The following PACS1 variants were observed in gnomAD, a reference collection of about 807,000 sequenced individuals.
The protein encoded by PACS1 is PACS-1.
A neutral mutation model predicts 115.0 loss-of-function variants in PACS1; 24 were observed. That is an observed-to-expected ratio of 0.21 (90% CI 0.15 to 0.29). The LOEUF is 0.29. Among genes scored for constraint, PACS1 ranks in the 10% least tolerant of loss-of-function variants. PACS1 has a pLI of 1.00. For missense variants in PACS1, 838 were observed against 1,251.2 expected (o/e 0.67, Z 4.98); for synonymous variants, 453 against 504.5 (o/e 0.90, Z 1.37).
chr11:66,136,148 G>C (rs1237261994), intron 1 of PACS1, among the ~76,000 whole-genome samples: 1 of 152,114 alleles, frequency 6.6e-6, no homozygotes, highest in African/African-American at 2.4e-5. Flanking sequence ...ATGCTGCTGA[G>C]ACCTCACACT....
At chr11:66,180,448 T>A (rs1239247181) in intron 1 of PACS1, among the ~76,000 whole-genome samples, 1 of 151,754 alleles carries the variant, frequency 6.6e-6, no homozygotes, top group Non-Finnish European at 1.5e-5. Flanking sequence ...TCCCACTCCC[T>A]GATTCAAGCA....
intron 1 of PACS1, among the ~76,000 whole-genome samples, chr11:66,115,643 G>T (rs1033649220): frequency 6.6e-6 from 1 of 152,236 alleles, no homozygotes; most frequent in Admixed American, 6.5e-5. Flanking sequence ...CTGCAGAGCA[G>T]GCTGACATTT....
At position 66,070,882 on chromosome 11, in the gene PACS1, G is replaced by T. The variant is rs998904477; in HGVS notation, c.356+40G>T. On this transcript the variant is annotated intron_variant, in intron 1 of 23. Coordinates refer to ENST00000320580, the MANE Select transcript of PACS1 (RefSeq NM_018026.4). This position sits in a 1 kb window ranked among gnomAD's most constrained non-coding sequence, Gnocchi z 5.9. Reference sequence around the variant, plus strand: ...GTGCGGCGGGGCGCCGGGGGAGCGGGGTGGCCGCCGGGGCCCAGCCCTCCC... The same window carrying T: ...GTGCGGCGGGGCGCCGGGGGAGCGGTGTGGCCGCCGGGGCCCAGCCCTCCC... The T allele has an allele frequency of 2.9e-6, 4 of 1,400,594 alleles. No individual in the cohort carries two copies. The highest frequency in any genetic ancestry group is 2.6e-4 in the Middle Eastern group (1 of 3,882). 86.8% of individuals were successfully genotyped at this position (1,400,594 alleles called of 1,614,324 possible). A position where few individuals can be genotyped will look rare whatever the true frequency, so the allele number is the denominator to read the frequency against.
intron 2 of PACS1, among the ~76,000 whole-genome samples, chr11:66,198,172 C>G (rs1468064841): frequency 1.3e-5 from 2 of 152,234 alleles, no homozygotes; most frequent in Non-Finnish European, 2.9e-5. Flanking sequence ...GCCTTGACCT[C>G]CCAGTGCTGG....
At position 66,216,757 on chromosome 11, in the gene PACS1, A is replaced by G; in HGVS notation, c.960A>G (p.Ser320=). 1.9e-6 allele frequency: 3 copies of G among 1,613,188 alleles called. No homozygotes were observed. The highest frequency in any genetic ancestry group is 2.5e-6 in the Non-Finnish European group (3 of 1,179,224). The change falls in exon 7 of 24, where the codon TCA becomes TCG. Residue 320 remains serine, a synonymous_variant. Coordinates refer to ENST00000320580, the MANE Select transcript of PACS1 (RefSeq NM_018026.4). ...AGAAGACCCGGAGGAAACTAACCTC[A>G]ACCTCTGCCATCACAAGGGTGAGCC... ...KVKKTRRKLT[S]TSAITRQPNI...
chr11:66,210,377 C>A lies in PACS1; in HGVS notation c.460C>A (p.Leu154Ile), dbSNP rs2134698831. 8 of 1,613,948 alleles carry A rather than the reference C, an allele frequency of 5.0e-6. No homozygotes were observed. The highest frequency in any genetic ancestry group is 1.1e-5 in the South Asian group (1 of 91,074). ...AVKLQGSKRI[L>I]RSNEIVLPAS... ...TTGGTTTCAGGGTTCAAAAAGAATT[C>A]TTCGCTCCAACGAGATCGTCCTTCC... Residue 154 changes from leucine (L) to isoleucine (I), a missense_variant, in exon 3 of 24, where the codon CTT becomes ATT. This residue lies in a region of PACS1 where 223 missense variants were observed against 354.0 expected (regional missense o/e 0.63). Coordinates refer to ENST00000320580, the MANE Select transcript of PACS1 (RefSeq NM_018026.4).
intron 2 of PACS1, among the ~76,000 whole-genome samples, chr11:66,194,940 TTGGGCC>T (rs11280308): frequency 0.01 from 1,586 of 152,254 alleles, 30 homozygotes; most frequent in African/African-American, 0.035. Flanking sequence ...ACTTAAAATG[TTGGGCC>T]GGGCACTGTG....
intron 1 of PACS1, among the ~76,000 whole-genome samples, chr11:66,113,557 A>G (rs1191123829): frequency 1.3e-5 from 2 of 152,254 alleles, no homozygotes; most frequent in Non-Finnish European, 2.9e-5. Context: ...TTTGCAGCAC[A>G]TGTAGTTTGA....
intron 1 of PACS1, among the ~76,000 whole-genome samples, chr11:66,076,016 C>T (rs1020103647): frequency 1.3e-5 from 2 of 152,116 alleles, no homozygotes; most frequent in African/African-American, 2.4e-5. Context: ...GGATTACAGA[C>T]GTGAGCCACC....
chr11:66,116,844 C>G (rs754208514), intron 1 of PACS1, among the ~76,000 whole-genome samples: 14 of 149,310 alleles, frequency 9.4e-5, no homozygotes, highest in Non-Finnish European at 1.8e-4. Flanking sequence ...GAGCTAAGAT[C>G]GTGCAACTGC....
chr11:66,230,213 C>T (rs1018752045), intron 11 of PACS1, among the ~76,000 whole-genome samples: 3 of 151,858 alleles, frequency 2.0e-5, no homozygotes, highest in Admixed American at 1.3e-4. Context: ...AGATAAGGTC[C>T]GGTCAGGGCA....
rs754265992 is a variant in PACS1, at chr11:66,230,907, C to T, written c.1593C>T (p.Ser531=). 17 of 1,614,144 alleles carry T rather than the reference C, an allele frequency of 1.1e-5. No individual in the cohort carries two copies. Among genetic ancestry groups the T allele is most frequent in the South Asian group, 5.5e-5 (5 of 91,080 alleles). ...PLSERTNSSD[S]ERSPDLGHST... ...GTGAGAGGACCAACAGTTCCGACAGCGAGCGCTCCCCAGATCTGGGCCACA... is the reference window on the plus strand; with the variant it reads ...GTGAGAGGACCAACAGTTCCGACAGTGAGCGCTCCCCAGATCTGGGCCACA... Residue 531 remains serine, a synonymous_variant, in exon 13 of 24, where the codon AGC becomes AGT. Coordinates refer to ENST00000320580, the MANE Select transcript of PACS1 (RefSeq NM_018026.4).
intron 1 of PACS1, among the ~76,000 whole-genome samples, chr11:66,103,346 C>T (rs1857963691): frequency 6.6e-6 from 1 of 151,984 alleles, no homozygotes; most frequent in South Asian, 2.1e-4. Context: ...TCAGGCCTGT[C>T]CTTAGAGAGC....
intron 1 of PACS1, among the ~76,000 whole-genome samples, chr11:66,176,336 TAA>T (rs1859860174): frequency 6.6e-6 from 1 of 152,150 alleles, no homozygotes; most frequent in Non-Finnish European, 1.5e-5. Context: ...GCATTTTAGT[TAA>T]AGAGAGTATA....
intron 1 of PACS1, among the ~76,000 whole-genome samples, chr11:66,092,135 C>A (rs1477181213): frequency 1.3e-5 from 2 of 152,096 alleles, no homozygotes; most frequent in Non-Finnish European, 2.9e-5. Flanking sequence ...TACAGTCCCA[C>A]CAACAGTGTA....
intron 1 of PACS1, among the ~76,000 whole-genome samples, chr11:66,134,988 A>G (rs998473189): frequency 6.6e-6 from 1 of 152,048 alleles, no homozygotes; most frequent in Non-Finnish European, 1.5e-5. Flanking sequence ...AGGTAGGTGG[A>G]TCACCTGAGG....
intron 22 of PACS1, among the ~76,000 whole-genome samples, chr11:66,241,894 T>C (rs549993311): frequency 6.6e-6 from 1 of 152,244 alleles, no homozygotes. Context: ...TCCAGTACTT[T>C]AGGGGCTGAG....
At chr11:66,117,003 A>C (rs1858320973) in intron 1 of PACS1, among the ~76,000 whole-genome samples, 1 of 152,116 alleles carries the variant, frequency 6.6e-6, no homozygotes, top group Admixed American at 6.5e-5. Context: ...GCTGGGTAGA[A>C]AAAACTAAGC....
intron 1 of PACS1, among the ~76,000 whole-genome samples, chr11:66,153,883 G>T (rs1271384988): frequency 2.0e-5 from 3 of 152,288 alleles, no homozygotes; most frequent in African/African-American, 4.8e-5. Context: ...ATTTACTGTT[G>T]TAAGATTTGT....
Sources: allele counts gnomAD v4.1 joint callset (sites outside exome capture counted in the v4.1 genomes callset), GRCh38; gene constraint gnomAD v4.1.1; regional missense constraint gnomAD v4.1.1; non-coding constraint Gnocchi (gnomAD v3.1); transcripts MANE v1.5; gene names NCBI Gene and HGNC (gene_info 2026-07-23, HGNC 2026-07-21).